The following FUT8 variants were observed in gnomAD, a reference collection of about 807,000 sequenced individuals.
The protein encoded by FUT8 is fucosyltransferase 8.
Under a neutral mutation model 71.3 loss-of-function variants are expected in FUT8, and 29 were observed. That is an observed-to-expected ratio of 0.41 (90% CI 0.30 to 0.55). The LOEUF (loss-of-function observed/expected upper bound fraction) is 0.55. Among genes scored for constraint, FUT8 ranks in the 20% least tolerant of loss-of-function variants. The pLI is 0.34. For synonymous variants in FUT8, 254 were observed against 239.3 expected (o/e 1.06, Z -0.57); for missense variants, 544 against 702.1 (o/e 0.77, Z 2.55).
intron 7 of FUT8, among the ~76,000 whole-genome samples, chr14:65,670,800 T>G (rs1368236396): frequency 6.6e-6 from 1 of 152,202 alleles, no homozygotes; most frequent in Non-Finnish European, 1.5e-5. Flanking sequence ...TAAAATACTT[T>G]GAGTTGCTCT....
intron 1 of FUT8, among the ~76,000 whole-genome samples, chr14:65,448,258 A>T (rs985829823): frequency 2.6e-4 from 39 of 152,286 alleles, no homozygotes; most frequent in African/African-American, 8.4e-4. Context: ...TGATGCAGGC[A>T]GGGGGTGATG....
chr14:65,526,044 T>G (rs1019142193), intron 2 of FUT8, among the ~76,000 whole-genome samples: 7 of 152,160 alleles, frequency 4.6e-5, no homozygotes, highest in African/African-American at 7.2e-5. Flanking sequence ...TTCTGTTGAT[T>G]TGGGGTGGGG....
At chr14:65,554,192 A>T (rs1885451252) in intron 2 of FUT8, among the ~76,000 whole-genome samples, 1 of 151,874 alleles carries the variant, frequency 6.6e-6, no homozygotes. Context: ...TAATCTTCTG[A>T]TAATTCTGTT....
intron 6 of FUT8, among the ~76,000 whole-genome samples, chr14:65,634,336 G>A (rs936953805): frequency 6.6e-6 from 1 of 152,096 alleles, no homozygotes; most frequent in Admixed American, 6.5e-5. Flanking sequence ...GGTGCAAGAT[G>A]TGCTTTGTTA....
At chr14:65,380,980 C>T in the FUT8 span, among the ~76,000 whole-genome samples, 393 of 152,314 alleles carry the variant, frequency 2.6e-3, no homozygotes, top group African/African-American at 8.8e-3. Flanking sequence ...ACCTCAGCTG[C>T]CATCCACTGA....
chr14:65,595,553 C>G (rs1239718081), intron 3 of FUT8, among the ~76,000 whole-genome samples: 3 of 150,368 alleles, frequency 2.0e-5, no homozygotes, highest in Non-Finnish European at 3.0e-5. Flanking sequence ...ACATATATTC[C>G]TTATATTCTT....
intron 6 of FUT8, among the ~76,000 whole-genome samples, chr14:65,668,825 T>C (rs1055629960): frequency 1.3e-5 from 2 of 152,140 alleles, no homozygotes; most frequent in African/African-American, 4.8e-5. Context: ...GTGGCACATA[T>C]ATATCATGGA....
At position 65,603,243 on chromosome 14, in the gene FUT8, C is replaced by T. The variant is rs893825207; in HGVS notation, c.204-12735C>T. 7.2e-5 allele frequency among the ~76,000 whole-genome samples: 11 copies of T among 151,872 alleles called. No individual in the cohort carries two copies. The highest frequency in any genetic ancestry group is 1.5e-4 in the Non-Finnish European group (10 of 67,902). ...TTTGTTGCATAGGATGTCCTTTCCC[C>T]ACTTTATGTTTTTGTTTGCTTTGTC... On this transcript the variant is annotated intron_variant, in intron 3 of 10. Transcript: ENST00000673929. This position sits in a 1 kb window ranked among gnomAD's most constrained non-coding sequence, Gnocchi z 4.5.
chr14:65,700,392 T>G (rs1247312329), intron 7 of FUT8, among the ~76,000 whole-genome samples: 2 of 126,396 alleles, frequency 1.6e-5, no homozygotes, highest in East Asian at 2.2e-4. Flanking sequence ...TTTTTTTTTT[T>G]TTTTTTTTTT....
intron 1 of FUT8, among the ~76,000 whole-genome samples, chr14:65,428,387 G>A (rs1463683624): frequency 6.6e-6 from 1 of 152,150 alleles, no homozygotes; most frequent in African/African-American, 2.4e-5. Context: ...GAGCTCTCAG[G>A]AATGGGATTA....
At chr14:65,505,439 A>G (rs369164961) in intron 2 of FUT8, among the ~76,000 whole-genome samples, 1 of 150,914 alleles carries the variant, frequency 6.6e-6, no homozygotes, top group African/African-American at 2.4e-5. Context: ...CAGCCTCCCA[A>G]GTAGCTGGGA....
At chr14:65,422,272 T>C (rs917479387) in intron 1 of FUT8, among the ~76,000 whole-genome samples, 1 of 152,154 alleles carries the variant, frequency 6.6e-6, no homozygotes, top group Admixed American at 6.6e-5. Context: ...GGTGTTTATC[T>C]TTTCCCTTCA....
chr14:65,552,083 GTAT>G (rs1450146670), intron 2 of FUT8, among the ~76,000 whole-genome samples: 22 of 152,074 alleles, frequency 1.4e-4, no homozygotes, highest in African/African-American at 5.3e-4. Flanking sequence ...TCAAATTATA[GTAT>G]TATAACTGTG....
At chr14:65,570,234 G>T (rs1448219318) in intron 3 of FUT8, among the ~76,000 whole-genome samples, 2 of 152,020 alleles carry the variant, frequency 1.3e-5, no homozygotes, top group Middle Eastern at 3.2e-3. Context: ...TGTGTTTACT[G>T]CTCTTGCAGT....
rs117497405 is a variant in FUT8, at chr14:65,438,742, T to G, written c.-325-16879T>G. Among the ~76,000 whole-genome samples, 700 of 152,300 alleles carry G rather than the reference T, an allele frequency of 4.6e-3. 19 individuals are homozygous for G. In the East Asian group the frequency reaches 0.063, roughly 14 times the overall value. ...AAGGCATCTTCCCTTCTGCTTCCTG[T>G]TCTGTGGTTGAACTCTTGGTGCTGT... On this transcript the variant is annotated intron_variant, in intron 1 of 10. Transcript: ENST00000673929.
chr14:65,697,748 T>G (rs2140467333), intron 7 of FUT8, among the ~76,000 whole-genome samples: 1 of 152,244 alleles, frequency 6.6e-6, no homozygotes, highest in South Asian at 2.1e-4. Context: ...GTGAGGTGGG[T>G]GGATCACCTG....
chr14:65,616,125 A>G (rs1252489797), intron 4 of FUT8, 32 bp downstream of exon 4: 1 of 1,603,760 alleles, frequency 6.2e-7, no homozygotes, highest in Non-Finnish European at 8.5e-7. Context: ...TCCCCTCCTC[A>G]GTATATGGGC....
At position 65,585,306 on chromosome 14, in the gene FUT8, C is replaced by T. The variant is rs117733554; in HGVS notation, c.203+23540C>T. 6.2e-3 allele frequency among the ~76,000 whole-genome samples: 944 copies of T among 152,266 alleles called. 11 individuals are homozygous for T. Among genetic ancestry groups the T allele is most frequent in the East Asian group, 0.035 (181 of 5,174 alleles). ...GGCTCAAGTGCTCCTCCCACCTCAG[C>T]CTCCCAAGCAGCTGGAGGACAGGCA... is the stretch of plus-strand genomic sequence containing the variant. On this transcript the variant is annotated intron_variant, in intron 3 of 10. Transcript: ENST00000673929.
chr14:65,650,735 A>AAC, intron 6 of FUT8, among the ~76,000 whole-genome samples: 4 of 151,532 alleles, frequency 2.6e-5, no homozygotes, highest in African/African-American at 9.7e-5. Flanking sequence ...AAAAACAAAA[A>AAC]AAACCACAAA....
Sources: allele counts gnomAD v4.1 joint callset (sites outside exome capture counted in the v4.1 genomes callset), GRCh38; gene constraint gnomAD v4.1.1; non-coding constraint Gnocchi (gnomAD v3.1); transcripts MANE v1.5; gene names NCBI Gene and HGNC (gene_info 2026-07-23, HGNC 2026-07-21).